NPAS3: variants seen among roughly 807,000 people sequenced by gnomAD.
NPAS3 encodes the protein neuronal PAS domain-containing protein 3.
NPAS3 carries 14 observed loss-of-function variants against 73.1 expected under a neutral mutation model. That is an observed-to-expected ratio of 0.19 (90% CI 0.13 to 0.30). The LOEUF (loss-of-function observed/expected upper bound fraction) is 0.30. Ranked by LOEUF, NPAS3 falls within the 10% of genes least tolerant of loss-of-function variation. The pLI, the probability that NPAS3 is intolerant of heterozygous loss-of-function variation, is 1.00. For synonymous variants in NPAS3, 620 were observed against 541.5 expected (o/e 1.14, Z -2.01); for missense variants, 1,096 against 1,250.0 (o/e 0.88, Z 1.86).
At chr14:33,533,293 C>T (rs943612048) in intron 4 of NPAS3, among the ~76,000 whole-genome samples, 1 of 151,980 alleles carries the variant, frequency 6.6e-6, no homozygotes, top group African/African-American at 2.4e-5. Context: ...ATAAAGAGAT[C>T]CAAAAATTCA....
At chr14:33,685,125 C>T (rs1482270719) in intron 6 of NPAS3, among the ~76,000 whole-genome samples, 2 of 152,260 alleles carry the variant, frequency 1.3e-5, no homozygotes, top group Non-Finnish European at 2.9e-5. Context: ...ATGTCCACGA[C>T]GTGTCAGACA....
intron 4 of NPAS3, among the ~76,000 whole-genome samples, chr14:33,528,856 C>T (rs1036410891): frequency 5.9e-5 from 9 of 152,112 alleles, no homozygotes; most frequent in African/African-American, 1.4e-4. Context: ...ATAGCGGTCA[C>T]GTGTCACATC....
At chr14:33,523,415 G>A (rs766970258) in intron 4 of NPAS3, among the ~76,000 whole-genome samples, 7 of 148,696 alleles carry the variant, frequency 4.7e-5, no homozygotes, top group Non-Finnish European at 8.9e-5. Flanking sequence ...TCATGCCACT[G>A]CGCTCCAGCC....
At chr14:33,723,879 G>C (rs924085375) in intron 6 of NPAS3, among the ~76,000 whole-genome samples, 2 of 152,132 alleles carry the variant, frequency 1.3e-5, no homozygotes, top group African/African-American at 4.8e-5. Context: ...GCAAACGGAT[G>C]TCAGAATGAG....
chr14:33,765,129 G>A (rs1276844759), intron 7 of NPAS3, among the ~76,000 whole-genome samples: 1 of 152,130 alleles, frequency 6.6e-6, no homozygotes. Flanking sequence ...TGTAATTATA[G>A]TTATATTTTT....
intron 2 of NPAS3, among the ~76,000 whole-genome samples, chr14:33,081,794 G>T (rs756247911): frequency 6.6e-6 from 1 of 152,084 alleles, no homozygotes; most frequent in Non-Finnish European, 1.5e-5. Flanking sequence ...CACAGCTCTG[G>T]GTGTCCATGA....
At chr14:33,748,761 G>C (rs1257894368) in intron 7 of NPAS3, among the ~76,000 whole-genome samples, 1 of 152,212 alleles carries the variant, frequency 6.6e-6, no homozygotes, top group Non-Finnish European at 1.5e-5. Context: ...TTGGCTGACA[G>C]TACCTACCCT....
chr14:33,494,338 G>A (rs2052057447), intron 4 of NPAS3, among the ~76,000 whole-genome samples: 1 of 152,128 alleles, frequency 6.6e-6, no homozygotes, highest in African/African-American at 2.4e-5. Flanking sequence ...ACACCTGTTA[G>A]CCCCGCTGTG....
intron 4 of NPAS3, among the ~76,000 whole-genome samples, chr14:33,549,074 A>G (rs2054984002): frequency 7.3e-6 from 1 of 137,288 alleles, no homozygotes; most frequent in Non-Finnish European, 1.7e-5. Flanking sequence ...TATATAGAAC[A>G]AATCTGTGTC....
chr14:33,657,453 T>C lies in NPAS3; in HGVS notation c.559-18758T>C, dbSNP rs1567095876. Among the ~76,000 whole-genome samples the C allele has an allele frequency of 2.0e-5, 3 of 152,250 alleles. 1 individual carries two copies. The highest frequency in any genetic ancestry group is 1.3e-4 in the Admixed American group (2 of 15,282). ...TCTAGAAAAGACTTTAATATGAGTA[T>C]ACAGTTAACTAAGTAGAAAGTGTAG... On this transcript the variant is annotated intron_variant, in intron 5 of 11. Coordinates refer to ENST00000356141, the Ensembl canonical transcript of NPAS3.
chr14:33,027,140 C>T (rs2138312929), intron 1 of NPAS3, among the ~76,000 whole-genome samples: 1 of 152,288 alleles, frequency 6.6e-6, no homozygotes, highest in African/African-American at 2.4e-5. Flanking sequence ...TAGCCTGGAC[C>T]ACCAGCGTTG....
intron 3 of NPAS3, among the ~76,000 whole-genome samples, chr14:33,249,340 TC>T: frequency 1.3e-5 from 1 of 75,600 alleles, no homozygotes; most frequent in Non-Finnish European, 2.4e-5. Context: ...TTAATTCCCG[TC>T]CCCCCCACCT....
intron 2 of NPAS3, among the ~76,000 whole-genome samples, chr14:33,138,191 C>T (rs989252701): frequency 1.3e-5 from 2 of 150,826 alleles, no homozygotes; most frequent in Non-Finnish European, 2.9e-5. Context: ...TCTCCAAATG[C>T]TATCCCTCCC....
intron 3 of NPAS3, among the ~76,000 whole-genome samples, chr14:33,362,657 G>T (rs917734534): frequency 2.0e-5 from 3 of 152,078 alleles, no homozygotes; most frequent in Admixed American, 6.5e-5. Flanking sequence ...TTAGATGGAG[G>T]ATTCAGAGGG....
At chr14:33,554,566 C>T (rs992989542) in intron 4 of NPAS3, among the ~76,000 whole-genome samples, 3 of 152,176 alleles carry the variant, frequency 2.0e-5, no homozygotes, top group Non-Finnish European at 2.9e-5. Context: ...AATAATCTGT[C>T]ATTAAAATAA....
At chr14:33,228,187 C>G (rs1049653698) in intron 3 of NPAS3, among the ~76,000 whole-genome samples, 1 of 152,096 alleles carries the variant, frequency 6.6e-6, no homozygotes, top group African/African-American at 2.4e-5. Context: ...TGATATTAAT[C>G]AGAAGGAAGA....
At chr14:33,059,443 T>C (rs554386116) in intron 2 of NPAS3, among the ~76,000 whole-genome samples, 3 of 152,232 alleles carry the variant, frequency 2.0e-5, no homozygotes, top group Non-Finnish European at 2.9e-5. Flanking sequence ...ATTTCAAGTT[T>C]AATTGGTAAG....
rs543412731 is a variant in NPAS3 at position 33,748,985 on chromosome 14, A to G, written c.852+13653A>G. Among the ~76,000 whole-genome samples, 5 of 152,280 alleles carry G rather than the reference A, an allele frequency of 3.3e-5. No individual in the cohort carries two copies. The South Asian group carries it at 8.3e-4, about 25-fold the overall frequency. ...GTTTGAGAATCTGAAATATTCTAGG[A>G]AACATTTAACCAAATGAACGCCATG... On this transcript the variant is annotated intron_variant, in intron 7 of 11. Transcript: ENST00000356141.
intron 1 of NPAS3, among the ~76,000 whole-genome samples, chr14:32,997,160 C>T (rs2038611769): frequency 6.6e-6 from 1 of 152,150 alleles, no homozygotes; most frequent in Non-Finnish European, 1.5e-5. Flanking sequence ...GGGCCTGTAG[C>T]CCCTTTGTTT....
Sources: allele counts gnomAD v4.1 joint callset (sites outside exome capture counted in the v4.1 genomes callset), GRCh38; gene constraint gnomAD v4.1.1; transcripts MANE v1.5; gene names NCBI Gene and HGNC (gene_info 2026-07-23, HGNC 2026-07-21).